The following ABRA variants were observed in gnomAD, a reference collection of about 807,000 sequenced individuals.
ABRA encodes actin binding Rho activating protein.
A neutral mutation model predicts 33.4 loss-of-function variants in ABRA; 25 were observed. The ratio of observed to expected loss-of-function variants is 0.75; its 90% CI spans 0.55 to 1.04. The LOEUF (loss-of-function observed/expected upper bound fraction) is 1.04. Among genes scored for constraint, ABRA ranks in the 50% least tolerant of loss-of-function variants. The probability of loss-of-function intolerance (pLI) is 0.00; values close to 1 mark genes in which losing one functional copy is unlikely to be tolerated. For synonymous variants in ABRA, 193 were observed against 176.8 expected (o/e 1.09, Z -0.73); for missense variants, 501 against 491.7 (o/e 1.02, Z -0.18).
Position 106,760,721 on chromosome 8 carries a change from A to T in ABRA, c.*316T>A, listed in dbSNP as rs972960345. 2 of 260,820 alleles carry T rather than the reference A, an allele frequency of 7.7e-6. No individual in the cohort carries two copies. The highest frequency in any genetic ancestry group is 1.5e-5 in the Non-Finnish European group (2 of 136,622). 16.2% of individuals were successfully genotyped at this position (260,820 alleles called of 1,614,324 possible). A position where few individuals can be genotyped will look rare whatever the true frequency, so the allele number is the denominator to read the frequency against. On this transcript the variant is annotated 3_prime_UTR_variant, in exon 2 of 2. Coordinates refer to ENST00000311955, the MANE Select transcript of ABRA (RefSeq NM_139166.5). Reference sequence around the variant, plus strand: ...TGAGGTGAGAGGATCACTTGAGGCCAGGAGTTAAAAGACCAGCTTTGGTGA... The same window carrying T: ...TGAGGTGAGAGGATCACTTGAGGCCTGGAGTTAAAAGACCAGCTTTGGTGA...
chr8:106,761,479 GC>G lies in ABRA; in HGVS notation c.703del (p.Ala235ProfsTer11). 1 of 1,614,076 alleles carries G rather than the reference GC, an allele frequency of 6.2e-7. No individual in the cohort carries two copies. Among genetic ancestry groups the G allele is most frequent in the Non-Finnish European group, 8.5e-7 (1 of 1,180,006 alleles). On this transcript the variant is annotated frameshift_variant, in exon 2 of 2. Coordinates refer to ENST00000311955, the MANE Select transcript of ABRA (RefSeq NM_139166.5). LOFTEE classifies it high-confidence loss of function. Reference protein sequence around the residue: ...NRFTEKLNCKAQQKYSPVGNL... With the variant: ...NRFTEKLNCKXQQKYSPVGNL... ...GCCCACTGGGCTATATTTCTGTTGGGCTTTGCAGTTGAGTTTCTCTGTAAAT... is the reference window on the plus strand; with the variant it reads ...GCCCACTGGGCTATATTTCTGTTGGGTTTGCAGTTGAGTTTCTCTGTAAAT...
chr8:106,766,777 A>G (rs1322413790), intron 1 of ABRA, among the ~76,000 whole-genome samples: 1 of 152,178 alleles, frequency 6.6e-6, no homozygotes, highest in Non-Finnish European at 1.5e-5. Flanking sequence ...GATGAGTACA[A>G]TTTGCTAATG....
chr8:106,766,404 T>C (rs1009817356), intron 1 of ABRA, among the ~76,000 whole-genome samples: 1 of 152,096 alleles, frequency 6.6e-6, no homozygotes, highest in Non-Finnish European at 1.5e-5. Context: ...CATAATTGTC[T>C]CCTTATTGGC....
chr8:106,766,782 C>A (rs1246959899), intron 1 of ABRA, among the ~76,000 whole-genome samples: 3 of 152,200 alleles, frequency 2.0e-5, no homozygotes, highest in African/African-American at 7.2e-5. Flanking sequence ...GTACAATTTG[C>A]TAATGAGGTC....
intron 1 of ABRA, among the ~76,000 whole-genome samples, chr8:106,767,386 C>A (rs561770450): frequency 6.6e-6 from 1 of 152,196 alleles, no homozygotes; most frequent in Non-Finnish European, 1.5e-5. Flanking sequence ...TCCCAAGATC[C>A]AAAAGGCCAG....
At position 106,759,508 on chromosome 8, in the gene ABRA, T is replaced by C. The variant is rs1333051334; in HGVS notation, c.*1529A>G. 3.3e-5 allele frequency: 5 copies of C among 152,250 alleles called. No homozygotes were observed. Among genetic ancestry groups the C allele is most frequent in the African/African-American group, 1.2e-4 (5 of 41,468 alleles). The allele number at this position is 152,250 out of a possible 1,614,324, so 9.4% of individuals were successfully genotyped here. A position where few individuals can be genotyped will look rare whatever the true frequency, so the allele number is the denominator to read the frequency against. ...TACAAGAAAACATCTTTTATTCTTATGCTATTTGTCTTTAACATTTGGCGT... is the reference window on the plus strand; with the variant it reads ...TACAAGAAAACATCTTTTATTCTTACGCTATTTGTCTTTAACATTTGGCGT... On this transcript the variant is annotated 3_prime_UTR_variant, in exon 2 of 2. Transcript: ENST00000311955.
chr8:106,762,641 C>G (rs578089980), intron 1 of ABRA, among the ~76,000 whole-genome samples: 2 of 151,982 alleles, frequency 1.3e-5, no homozygotes, highest in African/African-American at 4.8e-5. Context: ...GGGAGGGGAA[C>G]AGCACACACC....
In ABRA at chr8:106,769,855, C is replaced by A; in HGVS notation, c.336G>T (p.Thr112=). 1 of 1,614,134 alleles carries A rather than the reference C, an allele frequency of 6.2e-7. No individual in the cohort carries two copies. The highest frequency in any genetic ancestry group is 8.5e-7 in the Non-Finnish European group (1 of 1,180,032). Residue 112 remains threonine (T), a synonymous_variant, in exon 1 of 2, where the codon ACG becomes ACT. Transcript: ENST00000311955. ...CTCTCTCATAAGTCTTGCTGACCACCGTTTTGGACACCTCTTTCTTTTTGA... is the reference window on the plus strand; with the variant it reads ...CTCTCTCATAAGTCTTGCTGACCACAGTTTTGGACACCTCTTTCTTTTTGA... ...SHIKKKEVSK[T]VVSKTYERGG... is the part of the protein sequence containing the mutation.
Position 106,759,693 on chromosome 8 carries a change from A to T in ABRA, c.*1344T>A, listed in dbSNP as rs186253007. ...TTGAAAGAGACTCATACATGAAAAC[A>T]AATATAATTCTTATAGCAGTCTAAT... On this transcript the variant is annotated 3_prime_UTR_variant, in exon 2 of 2. Transcript: ENST00000311955. The T allele has an allele frequency of 9.7e-4, 147 of 152,320 alleles. No individual in the cohort carries two copies. Among genetic ancestry groups the T allele is most frequent in the African/African-American group, 3.5e-3 (147 of 41,582 alleles). The allele number at this position is 152,320 out of a possible 1,614,324, so 9.4% of individuals were successfully genotyped here.
At chr8:106,764,781 A>G (rs1358429262) in intron 1 of ABRA, among the ~76,000 whole-genome samples, 3 of 152,208 alleles carry the variant, frequency 2.0e-5, no homozygotes, top group Admixed American at 6.5e-5. Context: ...AACACCAAAG[A>G]AAGTTGGTCC....
At position 106,769,898 on chromosome 8, in the gene ABRA, G is replaced by T. The variant is rs766370672; in HGVS notation, c.293C>A (p.Ala98Asp). The part of the protein sequence containing the change: ...GHGDGQSSEK[A>D]PEVSHIKKKE... The stretch of plus-strand genomic sequence containing the variant: ...CTTTTTGATGTGAGAAACCTCAGGG[G>T]CTTTCTCTGAGCTTTGTCCATCTCC... The change falls in exon 1 of 2, where the codon GCC becomes GAC. Residue 98 changes from alanine (A) to aspartate (D), a missense_variant. Ala to Asp is a moderately radical substitution (Grantham distance 126). Coordinates refer to ENST00000311955, the MANE Select transcript of ABRA (RefSeq NM_139166.5). 6.2e-7 allele frequency: 1 copy of T among 1,614,126 alleles called. No homozygotes were observed. The highest frequency in any genetic ancestry group is 8.5e-7 in the Non-Finnish European group (1 of 1,180,028).
At chr8:106,761,550 A>G (rs758887511) in intron 1 of ABRA, 36 bp from the exon 2 acceptor site, 3 of 1,548,516 alleles carry the variant, frequency 1.9e-6, no homozygotes, top group South Asian at 2.4e-5. Context: ...CAAGATTCAG[A>G]TATGTTAACA....
In ABRA at chr8:106,769,898, G is replaced by A. The variant is rs766370672; in HGVS notation, c.293C>T (p.Ala98Val). The A allele has an allele frequency of 7.4e-6, 12 of 1,614,008 alleles. No homozygotes were observed. Among genetic ancestry groups the A allele is most frequent in the South Asian group, 1.1e-5 (1 of 91,080 alleles). Residue 98 changes from alanine (A) to valine (V), a missense_variant, in exon 1 of 2, where the codon GCC becomes GTC. Ala to Val is a moderately conservative substitution (Grantham distance 64). Coordinates refer to ENST00000311955, the MANE Select transcript of ABRA (RefSeq NM_139166.5). The part of the protein sequence containing the change: ...GHGDGQSSEK[A>V]PEVSHIKKKE... Reference sequence around the variant, plus strand: ...CTTTTTGATGTGAGAAACCTCAGGGGCTTTCTCTGAGCTTTGTCCATCTCC... The same window carrying A: ...CTTTTTGATGTGAGAAACCTCAGGGACTTTCTCTGAGCTTTGTCCATCTCC...
At chr8:106,767,634 G>A (rs761311417) in intron 1 of ABRA, among the ~76,000 whole-genome samples, 8 of 152,198 alleles carry the variant, frequency 5.3e-5, no homozygotes, top group African/African-American at 9.7e-5. Flanking sequence ...TGAGTGAATA[G>A]CTACTCAAAG....
At chr8:106,769,179 A>T (rs1229428749) in intron 1 of ABRA, among the ~76,000 whole-genome samples, 1 of 152,252 alleles carries the variant, frequency 6.6e-6, no homozygotes, top group Non-Finnish European at 1.5e-5. Context: ...CTCTAAAGAA[A>T]TAAGCCAATT....
In ABRA at chr8:106,770,023, G is replaced by C. The variant is rs746313918; in HGVS notation, c.168C>G (p.Thr56=). The C allele has an allele frequency of 5.0e-6, 8 of 1,613,776 alleles. No individual in the cohort carries two copies. The highest frequency in any genetic ancestry group is 5.9e-6 in the Non-Finnish European group (7 of 1,179,978). ...QEPTGWLPGG[T]QDSPQAPKPI... Reference sequence around the variant, plus strand: ...GTTTAGGAGCTTGAGGTGAGTCCTGGGTCCCTCCCGGCAGCCAGCCTGTAG... The same window carrying C: ...GTTTAGGAGCTTGAGGTGAGTCCTGCGTCCCTCCCGGCAGCCAGCCTGTAG... Residue 56 remains threonine, a synonymous_variant, in exon 1 of 2, where the codon ACC becomes ACG. Transcript: ENST00000311955.
chr8:106,770,116 C>T lies in ABRA; in HGVS notation c.75G>A (p.Leu25=). 6.2e-7 allele frequency: 1 copy of T among 1,613,806 alleles called. No homozygotes were observed. Among genetic ancestry groups the T allele is most frequent in the Non-Finnish European group, 8.5e-7 (1 of 1,179,812 alleles). The part of the protein sequence containing the change: ...SALRKIRTAT[L]VISLARGWQQ... ...GCCAACCTCGGGCCAAGCTGATGAC[C>T]AGGGTGGCTGTGCGTATCTTCCGGA... is the stretch of plus-strand genomic sequence containing the variant. Residue 25 remains leucine, a synonymous_variant, in exon 1 of 2, where the codon CTG becomes CTA. Transcript: ENST00000311955.
Position 106,769,822 on chromosome 8 carries a change from G to A in ABRA, c.369C>T (p.Asp123=), listed in dbSNP as rs374775448. The A allele has an allele frequency of 1.2e-5, 20 of 1,613,984 alleles. No homozygotes were observed. The highest frequency in any genetic ancestry group is 2.2e-5 in the East Asian group (1 of 44,900). The change falls in exon 1 of 2, where the codon GAC becomes GAT. Residue 123 remains aspartate, a synonymous_variant. Transcript: ENST00000311955. ...VVSKTYERGG[D]VSHLSHRYER... ...CGTACCTGTGGCTGAGGTGGCTCAC[G>A]TCCCCTCCTCTCTCATAAGTCTTGC...
At chr8:106,768,489 A>G (rs565896728) in intron 1 of ABRA, among the ~76,000 whole-genome samples, 2 of 152,348 alleles carry the variant, frequency 1.3e-5, no homozygotes, top group South Asian at 2.1e-4. Context: ...AACCAAATCT[A>G]TGTGAATAAT....
Sources: gnomAD v4.1 joint callset for allele counts (sites outside exome capture counted in the v4.1 genomes callset) on GRCh38, gnomAD v4.1.1 for gene constraint, MANE v1.5 for transcripts, NCBI Gene and HGNC (gene_info 2026-07-23, HGNC 2026-07-21) for gene names.